The following SWT1 variants were observed in gnomAD, a reference collection of about 807,000 sequenced individuals.
SWT1 encodes the protein SWT1 RNA endoribonuclease homolog.
In SWT1, 33 loss-of-function variants were observed where a neutral mutation model predicts 107.3. The observed-to-expected ratio is 0.31, with a 90% CI of 0.23 to 0.41. SWT1 has a LOEUF of 0.41. Ranked by LOEUF, SWT1 falls within the 10% of genes least tolerant of loss-of-function variation. SWT1 has a pLI of 1.00. For missense variants in SWT1, 898 were observed against 1,028.9 expected, an observed-to-expected ratio of 0.87 and a Z score of 1.74; for synonymous variants, 345 against 348.3, an observed-to-expected ratio of 0.99 and a Z score of 0.11.
chr1:185,202,933 TA>T, intron 11 of SWT1, 134 bp downstream of exon 11: 1 of 462,136 alleles, frequency 2.2e-6, no homozygotes, highest in Non-Finnish European at 3.6e-6. Context: ...TGCTGGCATG[TA>T]AGTCATTGAA....
At chr1:185,238,454 T>G (rs1571587644) in intron 16 of SWT1, among the ~76,000 whole-genome samples, 1 of 152,222 alleles carries the variant, frequency 6.6e-6, no homozygotes, top group Non-Finnish European at 1.5e-5. Context: ...GTTACAAATG[T>G]AAAGTTTAAG....
intron 16 of SWT1, among the ~76,000 whole-genome samples, chr1:185,243,959 A>T (rs991643398): frequency 2.6e-5 from 4 of 152,172 alleles, no homozygotes; most frequent in African/African-American, 9.7e-5. Flanking sequence ...GCAGTTTTGT[A>T]TGCTATTGGA....
intron 10 of SWT1, among the ~76,000 whole-genome samples, chr1:185,195,683 T>C (rs1368275189): frequency 6.6e-6 from 1 of 152,156 alleles, no homozygotes; most frequent in African/African-American, 2.4e-5. Flanking sequence ...TTTTAATGAT[T>C]GCCATTCTAA....
At chr1:185,283,675 A>G (rs554217099) in intron 18 of SWT1, among the ~76,000 whole-genome samples, 1 of 152,322 alleles carries the variant, frequency 6.6e-6, no homozygotes, top group South Asian at 2.1e-4. Context: ...GAAACTCATC[A>G]CAACACACTT....
intron 15 of SWT1, among the ~76,000 whole-genome samples, chr1:185,228,254 T>C (rs187331677): frequency 6.6e-6 from 1 of 150,532 alleles, no homozygotes; most frequent in East Asian, 2.0e-4. Context: ...GATGCAGTGG[T>C]TCATGCCCAT....
At position 185,231,772 on chromosome 1, in the gene SWT1, C is replaced by G. The variant is rs145337517; in HGVS notation, c.2441+64C>G. 8.0e-4 allele frequency: 1,084 copies of G among 1,354,908 alleles called. 6 individuals carry two copies. The Middle Eastern group carries it at 8.4e-3, about 10-fold the overall frequency. 83.9% of individuals were successfully genotyped at this position (1,354,908 alleles called of 1,614,324 possible). On this transcript the variant is annotated intron_variant, in intron 16 of 18. Transcript: ENST00000367500. ...TACTTTTCTCTTTCTCCTAGGCTTA[C>G]CAACTTTTTCAGAGTTGCTAGGAGT...
intron 17 of SWT1, 148 bp from the exon 18 acceptor site, chr1:185,276,456 C>T (rs1664245320): frequency 2.2e-6 from 1 of 452,184 alleles, no homozygotes; most frequent in Non-Finnish European, 4.1e-6. Flanking sequence ...GCATTATAGT[C>T]GTTGCACTTC....
intron 16 of SWT1, among the ~76,000 whole-genome samples, chr1:185,262,670 G>T (rs1383536846): frequency 6.6e-6 from 1 of 152,122 alleles, no homozygotes; most frequent in Non-Finnish European, 1.5e-5. Context: ...TGCTGGCAGG[G>T]TTGGTTTCCT....
chr1:185,167,062 C>A (rs1462972101), intron 3 of SWT1, among the ~76,000 whole-genome samples: 1 of 152,126 alleles, frequency 6.6e-6, no homozygotes, highest in African/African-American at 2.4e-5. Flanking sequence ...CGTGCACCAC[C>A]AGGCTCAGCT....
intron 17 of SWT1, among the ~76,000 whole-genome samples, chr1:185,274,762 T>C (rs892131871): frequency 1.3e-5 from 2 of 152,200 alleles, no homozygotes; most frequent in Non-Finnish European, 2.9e-5. Flanking sequence ...GCTATTTTTT[T>C]CCCCTGGAAA....
At chr1:185,185,770 A>G (rs1302772491) in intron 9 of SWT1, among the ~76,000 whole-genome samples, 1 of 152,164 alleles carries the variant, frequency 6.6e-6, no homozygotes, top group Admixed American at 6.5e-5. Context: ...ACTTTAGTCT[A>G]AAATTTTTGT....
At chr1:185,198,659 G>T (rs1035022611) in intron 10 of SWT1, among the ~76,000 whole-genome samples, 1 of 151,916 alleles carries the variant, frequency 6.6e-6, no homozygotes, top group Non-Finnish European at 1.5e-5. Context: ...TCTTCTTGTT[G>T]CATTGATTCT....
intron 18 of SWT1, among the ~76,000 whole-genome samples, chr1:185,276,926 C>A (rs1318321175): frequency 6.6e-6 from 1 of 152,038 alleles, no homozygotes; most frequent in Non-Finnish European, 1.5e-5. Context: ...TATCGAAGAT[C>A]CCAAAGAGCT....
At position 185,174,926 on chromosome 1, in the gene SWT1, C is replaced by A; in HGVS notation, c.779C>A (p.Ser260Ter). 1 of 1,613,814 alleles carries A rather than the reference C, an allele frequency of 6.2e-7. No individual in the cohort carries two copies. The highest frequency in any genetic ancestry group is 1.1e-5 in the South Asian group (1 of 91,020). Reference sequence around the variant, plus strand: ...GTCTTCAACATAGATTCTAATAATTCGAAGACTAAGCAGGAAGAAAGAGAA... The same window carrying A: ...GTCTTCAACATAGATTCTAATAATTAGAAGACTAAGCAGGAAGAAAGAGAA... ...ENVFNIDSNNSKTKQEEREYL... is the reference protein window; with the variant it reads ...ENVFNIDSNN Residue 260 changes from serine to a stop codon, truncating the protein, a stop_gained, in exon 5 of 19, where the codon TCG (serine) becomes TAG (stop). Transcript: ENST00000367500. LOFTEE classifies it high-confidence loss of function.
intron 11 of SWT1, 129 bp from the exon 12 acceptor site, chr1:185,204,571 T>C (rs1257074858): frequency 2.4e-6 from 1 of 414,726 alleles, no homozygotes; most frequent in Non-Finnish European, 4.2e-6. Context: ...GAAAATAAAA[T>C]ATTTGTTTGT....
intron 16 of SWT1, 134 bp downstream of exon 16, chr1:185,231,842 T>C: frequency 1.6e-6 from 1 of 614,018 alleles, no homozygotes; most frequent in Non-Finnish European, 2.8e-6. Context: ...AATCAAGTGC[T>C]TTCTTTTGTG....
chr1:185,252,002 A>T (rs925810108), intron 16 of SWT1, among the ~76,000 whole-genome samples: 3 of 149,066 alleles, frequency 2.0e-5, no homozygotes, highest in African/African-American at 7.4e-5. Flanking sequence ...TGTCCATGTG[A>T]TCTCATTGTT....
rs1005744572 is a variant in SWT1, at chr1:185,202,754, G to A, written c.1624G>A (p.Asp542Asn). The change falls in exon 11 of 19, where the codon GAT becomes AAT. Residue 542 changes from aspartate to asparagine, a missense_variant. Physicochemically the swap from Asp to Asn is conservative, Grantham distance 23. This residue lies in a region of SWT1 where 382 missense variants were observed against 460.0 expected (regional missense o/e 0.83). Coordinates refer to ENST00000367500, the MANE Select transcript of SWT1 (RefSeq NM_017673.7). ...AELLHLSLNT[D>N]VCHQPCIPKQ... The stretch of plus-strand genomic sequence containing the variant: ...GTTATTACACTTATCTCTGAACACA[G>A]ATGTGTGTCATCAGCCTTGTATTCC... 1.3e-5 allele frequency: 21 copies of A among 1,592,682 alleles called. No individual in the cohort carries two copies. The highest frequency in any genetic ancestry group is 1.8e-5 in the Non-Finnish European group (21 of 1,168,886).
intron 17 of SWT1, 40 bp from the exon 18 acceptor site, chr1:185,276,559 CACTTT>C (rs1664252959): frequency 1.7e-6 from 2 of 1,176,194 alleles, no homozygotes; most frequent in Non-Finnish European, 2.4e-6. Context: ...TGTCATCACT[CACTTT>C]AATATATATT....
Sources: gnomAD v4.1 joint callset for allele counts (sites outside exome capture counted in the v4.1 genomes callset) on GRCh38, gnomAD v4.1.1 for gene constraint, gnomAD v4.1.1 regional missense constraint, MANE v1.5 for transcripts, NCBI Gene and HGNC (gene_info 2026-07-23, HGNC 2026-07-21) for gene names.